Variants in MTOR observed in about 807,000 individuals in gnomAD.
MTOR encodes mechanistic target of rapamycin kinase, also known as serine/threonine-protein kinase mTOR.
In MTOR, 70 loss-of-function variants were observed where a neutral mutation model predicts 319.8. The observed-to-expected ratio is 0.22, with a 90% CI of 0.18 to 0.27. The LOEUF (loss-of-function observed/expected upper bound fraction) is 0.27. Ranked by LOEUF, MTOR falls within the 10% of genes least tolerant of loss-of-function variation. MTOR has a pLI of 1.00. For synonymous variants in MTOR, 1,183 were observed against 1,211.4 expected (o/e 0.98, Z 0.49); for missense variants, 1,890 against 3,274.4 (o/e 0.58, Z 10.32).
Position 11,199,314 on chromosome 1 carries a change from G to A in MTOR, c.4197C>T (p.Tyr1399=), listed in dbSNP as rs1231510451. Residue 1399 remains tyrosine, a synonymous_variant, in exon 28 of 58, where the codon TAC becomes TAT. Coordinates refer to ENST00000361445, the MANE Select transcript of MTOR (RefSeq NM_004958.4). The surrounding 1 kb of genome is among the most constrained non-coding windows in gnomAD (Gnocchi z 4.5). ...GGCCTTTCTGGAACTCCAGTTCTTT[G>A]TAGTGTAGTGCTTTGGCATATGCTC... ...KCRAYAKALH[Y]KELEFQKGPT... 6.2e-7 allele frequency: 1 copy of A among 1,614,122 alleles called. No homozygotes were observed. Among genetic ancestry groups the A allele is most frequent in the Admixed American group, 1.7e-5 (1 of 60,018 alleles).
intron 15 of MTOR, 79 bp from the exon 16 acceptor site, chr1:11,232,607 G>A: frequency 3.2e-6 from 4 of 1,235,380 alleles, no homozygotes; most frequent in Non-Finnish European, 4.7e-6. Flanking sequence ...GGGCACGGTG[G>A]CTCATGCCTG....
rs369924124 is a variant in MTOR, at chr1:11,255,964, A to G, written c.705+28T>C. 144 of 1,599,334 alleles carry G rather than the reference A, an allele frequency of 9.0e-5. No individual in the cohort carries two copies. In the African/African-American group the frequency reaches 1.8e-3, roughly 20 times the overall value. ...ATTCTCTACGCAGATGTGCTTTGCT[A>G]GTGGTGGGAATGGAGCCATCTCCTT... On this transcript the variant is annotated intron_variant, in intron 5 of 57. Transcript: ENST00000361445.
At chr1:11,149,973 C>A (rs1644081210) in intron 31 of MTOR, among the ~76,000 whole-genome samples, 153 bp downstream of exon 31, 1 of 152,172 alleles carries the variant, frequency 6.6e-6, no homozygotes, top group Non-Finnish European at 1.5e-5. Flanking sequence ...GTAGAAAGGA[C>A]AGATGGAAGG....
chr1:11,215,832 T>C (rs1231537222), intron 20 of MTOR, among the ~76,000 whole-genome samples: 1 of 152,180 alleles, frequency 6.6e-6, no homozygotes, highest in Non-Finnish European at 1.5e-5. Flanking sequence ...TTCATGAAAA[T>C]AGAAAAGCAC....
chr1:11,139,513 G>T lies in MTOR; in HGVS notation c.4998+20C>A, dbSNP rs1643587202. Reference sequence around the variant, plus strand: ...CCATGGGGCCCTACCTGCCCATGTGGGTGGGTGGTTGTCACTCACCAGCCT... The same window carrying T: ...CCATGGGGCCCTACCTGCCCATGTGTGTGGGTGGTTGTCACTCACCAGCCT... On this transcript the variant is annotated intron_variant, in intron 35 of 57. Transcript: ENST00000361445. 1.2e-6 allele frequency: 2 copies of T among 1,614,024 alleles called. No individual in the cohort carries two copies. Among genetic ancestry groups the T allele is most frequent in the African/African-American group, 1.3e-5 (1 of 74,908 alleles).
chr1:11,150,950 G>C (rs1282788161), intron 30 of MTOR, among the ~76,000 whole-genome samples: 1 of 152,156 alleles, frequency 6.6e-6, no homozygotes, highest in East Asian at 1.9e-4. Context: ...CCGAGTCCCT[G>C]ATTTCATGTG....
At position 11,213,469 on chromosome 1, in the gene MTOR, G is replaced by A; in HGVS notation, c.3215C>T (p.Pro1072Leu). Residue 1072 changes from proline to leucine, a missense_variant, in exon 21 of 58, where the codon CCC becomes CTC. Around this residue, in one of 15 missense-constraint regions of MTOR, gnomAD observed 377 missense variants for 653.9 expected, o/e 0.58. Coordinates refer to ENST00000361445, the MANE Select transcript of MTOR (RefSeq NM_004958.4). ...ALGGEFKLYL[P>L]QLIPHMLRVF... ...ACGCAGCATGTGTGGGATCAGCTGGGGCAGGTAGAGCTTAAATTCACCCCC... is the reference window on the plus strand; with the variant it reads ...ACGCAGCATGTGTGGGATCAGCTGGAGCAGGTAGAGCTTAAATTCACCCCC... 6.2e-7 allele frequency: 1 copy of A among 1,613,956 alleles called. No homozygotes were observed.
chr1:11,108,298 G>A lies in MTOR; in HGVS notation c.7529-12C>T. 2 of 1,605,358 alleles carry A rather than the reference G, an allele frequency of 1.2e-6. No homozygotes were observed. The highest frequency in any genetic ancestry group is 2.2e-5 in the East Asian group (1 of 44,836). ...AGAGAAGTCCCGACCTAGCACAGGA[G>A]GAACAAAAACATTTCACTCTCTTCC... On this transcript the variant is annotated splice_polypyrimidine_tract_variant and intron_variant, in intron 56 of 57. Transcript: ENST00000361445.
intron 1 of MTOR, among the ~76,000 whole-genome samples, chr1:11,260,894 A>C (rs1388815937): frequency 2.0e-5 from 3 of 150,790 alleles, no homozygotes; most frequent in Non-Finnish European, 4.4e-5. Flanking sequence ...GGTTCAAATG[A>C]TTCTCCTGCC....
intron 28 of MTOR, among the ~76,000 whole-genome samples, chr1:11,169,000 A>G (rs1253809077): frequency 1.3e-5 from 2 of 152,260 alleles, no homozygotes; most frequent in East Asian, 3.8e-4. Flanking sequence ...GACTGGTTTA[A>G]TGAGCAAGGA....
At chr1:11,184,881 C>A (rs963233152) in intron 28 of MTOR, among the ~76,000 whole-genome samples, 1 of 152,200 alleles carries the variant, frequency 6.6e-6, no homozygotes, top group African/African-American at 2.4e-5. Flanking sequence ...CTCACCTGGG[C>A]TCCCCGGGCA....
intron 11 of MTOR, 56 bp from the exon 12 acceptor site, chr1:11,238,673 G>A (rs1336857789): frequency 2.7e-6 from 4 of 1,469,512 alleles, no homozygotes; most frequent in East Asian, 2.4e-5. Context: ...AGACAGGTAG[G>A]TCTGCAGCTT....
At chr1:11,144,097 T>C (rs1643838836) in intron 34 of MTOR, 1 of 152,654 alleles carries the variant, frequency 6.6e-6, no homozygotes, top group Non-Finnish European at 1.5e-5. Flanking sequence ...CTGACCTAAG[T>C]AGCTATAAAT....
chr1:11,203,701 T>A (rs1646050303), intron 26 of MTOR, among the ~76,000 whole-genome samples: 1 of 152,162 alleles, frequency 6.6e-6, no homozygotes, highest in African/African-American at 2.4e-5. Context: ...GCAAATTCTA[T>A]TTTCCAAAGA....
chr1:11,164,208 G>C (rs1644565750), intron 29 of MTOR, among the ~76,000 whole-genome samples: 2 of 151,644 alleles, frequency 1.3e-5, no homozygotes, highest in Admixed American at 6.6e-5. Flanking sequence ...GGTGGCGGGC[G>C]CCTGTAGTCC....
At position 11,121,230 on chromosome 1, in the gene MTOR, G is replaced by A. The variant is rs746670035; in HGVS notation, c.6933+16C>T. 6.2e-7 allele frequency: 1 copy of A among 1,612,278 alleles called. No homozygotes were observed. The highest frequency in any genetic ancestry group is 8.5e-7 in the Non-Finnish European group (1 of 1,179,966). ...GGTTCCAGGAGAGCGCAGGTCTGCA[G>A]GGCCCAGTGGCCTACCTCGGAGCTG... On this transcript the variant is annotated intron_variant, in intron 49 of 57. Coordinates refer to ENST00000361445, the MANE Select transcript of MTOR (RefSeq NM_004958.4). The surrounding 1 kb of genome is among the most constrained non-coding windows in gnomAD (Gnocchi z 4.9).
chr1:11,126,755 C>G lies in MTOR; in HGVS notation c.6393G>C (p.Leu2131=), dbSNP rs2100397544. Residue 2131 remains leucine (L), a synonymous_variant, in exon 46 of 58, where the codon CTG becomes CTC. Coordinates refer to ENST00000361445, the MANE Select transcript of MTOR (RefSeq NM_004958.4). ...LELQYVSPKL[L]MCRDLELAVP... Reference sequence around the variant, plus strand: ...CAGCCAATTCAAGGTCCCGGCACATCAGAAGTTTTGGGGAAACATATTGCA... The same window carrying G: ...CAGCCAATTCAAGGTCCCGGCACATGAGAAGTTTTGGGGAAACATATTGCA... The G allele has an allele frequency of 6.2e-7, 1 of 1,614,058 alleles. No homozygotes were observed. Among genetic ancestry groups the G allele is most frequent in the Non-Finnish European group, 8.5e-7 (1 of 1,180,012 alleles).
chr1:11,107,164 C>G lies in MTOR; in HGVS notation c.*321G>C. 1 of 1,385,576 alleles carries G rather than the reference C, an allele frequency of 7.2e-7. No individual in the cohort carries two copies. The highest frequency in any genetic ancestry group is 9.5e-7 in the Non-Finnish European group (1 of 1,051,136). 85.8% of individuals were successfully genotyped at this position (1,385,576 alleles called of 1,614,324 possible). On this transcript the variant is annotated 3_prime_UTR_variant, in exon 58 of 58. Transcript: ENST00000361445. ...CATCAGCAAGTACTTATGATGAGTTCTCTTGTGAGTTAAGTCAAAACCCGT... is the reference window on the plus strand; with the variant it reads ...CATCAGCAAGTACTTATGATGAGTTGTCTTGTGAGTTAAGTCAAAACCCGT...
rs2100323494 is a variant in MTOR, at chr1:11,115,444, G to A, written c.7041C>T (p.Asp2347=). 1.2e-6 allele frequency: 2 copies of A among 1,614,174 alleles called. No individual in the cohort carries two copies. The highest frequency in any genetic ancestry group is 1.1e-5 in the South Asian group (1 of 91,082). The change falls in exon 51 of 58, where the codon GAC becomes GAT. Residue 2347 remains aspartate, a synonymous_variant. Transcript: ENST00000361445. The surrounding 1 kb of genome is among the most constrained non-coding windows in gnomAD (Gnocchi z 4.5). The part of the protein sequence containing the change: ...GDRHPSNLML[D]RLSGKILHID... ...TGTGCAGGATCTTCCCACTCAGACG[G>A]TCCAGCATCAGGTTGGATGGGTGTC...
Sources: gnomAD v4.1 joint callset for allele counts (sites outside exome capture counted in the v4.1 genomes callset) on GRCh38, gnomAD v4.1.1 for gene constraint, gnomAD v4.1.1 regional missense constraint, Gnocchi (gnomAD v3.1) non-coding constraint, MANE v1.5 for transcripts, NCBI Gene and HGNC (gene_info 2026-07-23, HGNC 2026-07-21) for gene names.